The following SYNJ2 variants were observed in gnomAD, a reference collection of about 807,000 sequenced individuals.
The protein encoded by SYNJ2 is synaptojanin 2.
Under a neutral mutation model 141.3 loss-of-function variants are expected in SYNJ2, and 116 were observed. The ratio of observed to expected loss-of-function variants is 0.82; its 90% confidence interval spans 0.71 to 0.96. SYNJ2 has a LOEUF of 0.96. SYNJ2 is among the 40% of genes least tolerant of loss of function. SYNJ2 has a pLI of 0.00. For missense variants in SYNJ2, 1,873 were observed against 1,934.8 expected, an observed-to-expected ratio of 0.97 and a Z score of 0.60; for synonymous variants, 745 against 777.7, an observed-to-expected ratio of 0.96 and a Z score of 0.70.
At position 158,059,329 on chromosome 6, in the gene SYNJ2, G is replaced by C; in HGVS notation, c.930G>C (p.Glu310Asp). The C allele has an allele frequency of 6.4e-7, 1 of 1,550,790 alleles. No individual in the cohort carries two copies. Residue 310 changes from glutamate (E) to aspartate (D), a missense_variant, in exon 7 of 27, where the codon GAG (glutamate) becomes GAC (aspartate). Physicochemically the swap from Glu to Asp is conservative, Grantham distance 45. Transcript: ENST00000355585. Reference protein sequence around the residue: ...VVNLLGSRGGEEVLNRAFKKL... With the variant: ...VVNLLGSRGGDEVLNRAFKKL... ...ACCTTCTGGGAAGCAGAGGCGGAGA[G>C]GAGGTGCTCAACAGAGCCTTCAAGG... is the stretch of plus-strand genomic sequence containing the variant.
At chr6:158,048,236 G>A (rs530838769) in intron 5 of SYNJ2, among the ~76,000 whole-genome samples, 2 of 152,314 alleles carry the variant, frequency 1.3e-5, no homozygotes, top group African/African-American at 4.8e-5. Context: ...GCTCTCCCAG[G>A]CTGAGGGTGT....
Position 158,071,430 on chromosome 6 carries a change from G to A in SYNJ2, c.1941-172G>A, listed in dbSNP as rs549359667. ...CAGCGGTGGGCAGCAGGAGGGAGGC[G>A]GCCTCCTGACCAGGAGTCGATGACG... On this transcript the variant is annotated intron_variant, in intron 14 of 26. Transcript: ENST00000355585. The surrounding 1 kb of genome is among the most constrained non-coding windows in gnomAD (Gnocchi z 4.3). 2.3e-4 allele frequency among the ~76,000 whole-genome samples: 35 copies of A among 152,044 alleles called. No individual in the cohort carries two copies. Among genetic ancestry groups the A allele is most frequent in the Admixed American group, 1.2e-3 (19 of 15,280 alleles).
intron 8 of SYNJ2, among the ~76,000 whole-genome samples, 170 bp from the exon 9 acceptor site, chr6:158,063,621 T>C (rs1288646585): frequency 3.1e-5 from 4 of 128,024 alleles, no homozygotes; most frequent in African/African-American, 1.2e-4. Context: ...ATCATGCCAT[T>C]GCACTCCAGC....
At chr6:157,994,804 T>C (rs1777580533) in intron 1 of SYNJ2, among the ~76,000 whole-genome samples, 1 of 152,182 alleles carries the variant, frequency 6.6e-6, no homozygotes, top group Non-Finnish European at 1.5e-5. Flanking sequence ...TTTGGGCTCT[T>C]TTTGACAGGG....
intron 5 of SYNJ2, among the ~76,000 whole-genome samples, chr6:158,048,626 G>A (rs1015156691): frequency 6.6e-6 from 1 of 152,208 alleles, no homozygotes; most frequent in Non-Finnish European, 1.5e-5. Context: ...GAGCCAGGCA[G>A]CTGTCCTTTT....
Position 158,064,585 on chromosome 6 carries a change from C to A in SYNJ2, c.1210-16C>A, listed in dbSNP as rs1284955931. Reference sequence around the variant, plus strand: ...GTGGGAGAAGCCAGTGACAGCCATCCCTTATTCCTCCCCAGGTCCTGCATC... The same window carrying A: ...GTGGGAGAAGCCAGTGACAGCCATCACTTATTCCTCCCCAGGTCCTGCATC... On this transcript the variant is annotated splice_polypyrimidine_tract_variant and intron_variant, in intron 9 of 26. Transcript: ENST00000355585. The A allele has an allele frequency of 6.2e-7, 1 of 1,612,566 alleles. No individual in the cohort carries two copies. Among genetic ancestry groups the A allele is most frequent in the Admixed American group, 1.7e-5 (1 of 59,962 alleles).
At chr6:158,052,213 AT>A (rs569895707) in intron 5 of SYNJ2, among the ~76,000 whole-genome samples, 15 of 152,346 alleles carry the variant, frequency 9.8e-5, no homozygotes, top group Admixed American at 5.2e-4. Flanking sequence ...TAAAGAGTGC[AT>A]TTTTAACTAC....
At position 157,982,070 on chromosome 6, in the gene SYNJ2, G is replaced by A; in HGVS notation, c.109G>A (p.Gly37Ser). 4 of 1,336,502 alleles carry A rather than the reference G, an allele frequency of 3.0e-6. No homozygotes were observed. Among genetic ancestry groups the A allele is most frequent in the East Asian group, 3.1e-5 (1 of 32,280 alleles). 82.8% of individuals were successfully genotyped at this position (1,336,502 alleles called of 1,614,324 possible). A position where few individuals can be genotyped will look rare whatever the true frequency, so the allele number is the denominator to read the frequency against. ...CGACGACTGCCTGCTGTTCGAGGCC[G>A]GCACGGTGGCCACGCTGGGTGAGTC... is the stretch of plus-strand genomic sequence containing the variant. ...GRDDCLLFEAGTVATLAPEEK... is the reference protein window; with the variant it reads ...GRDDCLLFEASTVATLAPEEK... The change falls in exon 1 of 27, where the codon GGC becomes AGC. Residue 37 changes from glycine to serine, a missense_variant. Coordinates refer to ENST00000355585, the MANE Select transcript of SYNJ2 (RefSeq NM_003898.4). The surrounding 1 kb of genome is among the most constrained non-coding windows in gnomAD (Gnocchi z 4.0).
In SYNJ2 at chr6:158,086,953, C is replaced by T. The variant is rs1440409449; in HGVS notation, c.3307C>T (p.Arg1103Trp). 3.7e-6 allele frequency: 6 copies of T among 1,603,448 alleles called. No homozygotes were observed. The African/African-American group carries it at 5.3e-5, about 14-fold the overall frequency. The change falls in exon 23 of 27, where the codon CGG (arginine) becomes TGG (tryptophan). Residue 1103 changes from arginine to tryptophan, a missense_variant. Physicochemically the swap from Arg to Trp is moderately radical, Grantham distance 101 (BLOSUM62 -3). Transcript: ENST00000355585. ...GTCTCTGTCGGTCCCCAACCGGCCT[C>T]GGCCACCTCAACCCCCGCAGAGACC... ...SRSLSVPNRP[R>W]PPQPPQRPPP... is the part of the protein sequence containing the mutation.
Position 158,095,630 on chromosome 6 carries a change from G to A in SYNJ2, c.3757G>A (p.Glu1253Lys). The change falls in exon 27 of 27, where the codon GAA becomes AAA. Residue 1253 changes from glutamate (E) to lysine (K), a missense_variant. Glu to Lys is a moderately conservative substitution (Grantham distance 56). Coordinates refer to ENST00000355585, the MANE Select transcript of SYNJ2 (RefSeq NM_003898.4). ...LRRTGKPLSPEEQFEQQTVHF... is the reference protein window; with the variant it reads ...LRRTGKPLSPKEQFEQQTVHF... ...CACCTTTTCTCAGCCCCTGTCACCG[G>A]AAGAACAGTTTGAGCAACAGACTGT... 1 of 1,600,294 alleles carries A rather than the reference G, an allele frequency of 6.2e-7. No individual in the cohort carries two copies. The highest frequency in any genetic ancestry group is 8.5e-7 in the Non-Finnish European group (1 of 1,174,124).
rs916560433 is a variant in SYNJ2, at chr6:158,096,789, G to A, written c.*425G>A. 3 of 161,486 alleles carry A rather than the reference G, an allele frequency of 1.9e-5. No homozygotes were observed. Among genetic ancestry groups the A allele is most frequent in the East Asian group, 3.7e-4 (2 of 5,416 alleles). 10.0% of individuals were successfully genotyped at this position (161,486 alleles called of 1,614,324 possible). On this transcript the variant is annotated 3_prime_UTR_variant, in exon 27 of 27. Coordinates refer to ENST00000355585, the MANE Select transcript of SYNJ2 (RefSeq NM_003898.4). The stretch of plus-strand genomic sequence containing the variant: ...TTTGGGGAGCCACCTGAAGGTTGAT[G>A]TATAAAGTAAGGATTAGAGAAAGAG...
chr6:157,992,243 T>C (rs1777467798), intron 1 of SYNJ2, among the ~76,000 whole-genome samples: 7 of 152,098 alleles, frequency 4.6e-5, no homozygotes, highest in Admixed American at 4.6e-4. Context: ...TTTTACTCAT[T>C]AACCATCCCC....
At chr6:158,090,541 T>C (rs1472837645) in intron 25 of SYNJ2, among the ~76,000 whole-genome samples, 1 of 138,916 alleles carries the variant, frequency 7.2e-6, no homozygotes, top group Admixed American at 7.7e-5. Flanking sequence ...TTTTTTTTTT[T>C]GTTTTTTTTT....
intron 7 of SYNJ2, chr6:158,059,643 C>G (rs1255718942): frequency 1.0e-6 from 1 of 975,870 alleles, no homozygotes; most frequent in Non-Finnish European, 1.3e-6. Flanking sequence ...CAACCTCTGC[C>G]TCCCAGGTAC....
intron 20 of SYNJ2, among the ~76,000 whole-genome samples, chr6:158,082,745 G>A (rs1378320726): frequency 6.6e-6 from 1 of 152,208 alleles, no homozygotes; most frequent in East Asian, 1.9e-4. Context: ...AGCTGCAGAA[G>A]CTTAGCCATT....
chr6:158,069,919 A>G (rs1299221686), intron 14 of SYNJ2, among the ~76,000 whole-genome samples: 5 of 152,242 alleles, frequency 3.3e-5, no homozygotes, highest in African/African-American at 1.2e-4. Context: ...AGGGTGTTAC[A>G]TGATTGTCAT....
At chr6:157,984,101 G>A (rs557422447) in intron 1 of SYNJ2, among the ~76,000 whole-genome samples, 6 of 152,286 alleles carry the variant, frequency 3.9e-5, no homozygotes, top group East Asian at 1.9e-4. Context: ...CTCCCAAAGC[G>A]TTGGGATTAC....
intron 4 of SYNJ2, among the ~76,000 whole-genome samples, chr6:158,039,052 A>T (rs1254959066): frequency 6.6e-6 from 1 of 152,238 alleles, no homozygotes; most frequent in African/African-American, 2.4e-5. Flanking sequence ...TTACAGAGGC[A>T]GCAGGAGCAG....
intron 1 of SYNJ2, among the ~76,000 whole-genome samples, chr6:158,016,726 A>T (rs1286486568): frequency 6.6e-6 from 1 of 152,098 alleles, no homozygotes; most frequent in African/African-American, 2.4e-5. Context: ...CAAGGCACGC[A>T]GCTTTCCTTG....
Sources: gnomAD v4.1 joint callset for allele counts (sites outside exome capture counted in the v4.1 genomes callset) on GRCh38, gnomAD v4.1.1 for gene constraint, Gnocchi (gnomAD v3.1) non-coding constraint, MANE v1.5 for transcripts, NCBI Gene and HGNC (gene_info 2026-07-23, HGNC 2026-07-21) for gene names.